PHACTR3: variants seen among roughly 807,000 people sequenced by gnomAD.
The protein encoded by PHACTR3 is protein phosphatase 1, regulatory subunit 123.
PHACTR3 carries 16 observed loss-of-function variants against 66.8 expected under a neutral mutation model. The observed-to-expected ratio is 0.24, with a 90% CI of 0.16 to 0.36. The LOEUF (loss-of-function observed/expected upper bound fraction) is 0.36, where lower values mean the gene tolerates loss of function less well. Among genes scored for constraint, PHACTR3 ranks in the 10% least tolerant of loss-of-function variants. The pLI is 1.00. For missense variants in PHACTR3, 647 were observed against 719.9 expected, an observed-to-expected ratio of 0.90 and a Z score of 1.16; for synonymous variants, 323 against 292.1, an observed-to-expected ratio of 1.11 and a Z score of -1.08.
chr20:59,624,471 G>C (rs1029969928), intron 1 of PHACTR3, among the ~76,000 whole-genome samples: 5 of 152,298 alleles, frequency 3.3e-5, no homozygotes, highest in East Asian at 3.9e-4. Context: ...TTTTTAGCAA[G>C]ATCTCAGGTG....
intron 1 of PHACTR3, among the ~76,000 whole-genome samples, chr20:59,579,909 C>T (rs2146297451): frequency 6.6e-6 from 1 of 152,264 alleles, no homozygotes; most frequent in South Asian, 2.1e-4. Flanking sequence ...AGGAGGGAGA[C>T]TGGCCGGAGG....
chr20:59,743,012 G>C, intron 1 of PHACTR3, 95 bp from the exon 2 acceptor site: 1 of 1,382,862 alleles, frequency 7.2e-7, no homozygotes, highest in South Asian at 1.4e-5. Flanking sequence ...GGGATCACTG[G>C]TGACCCCTTA....
At position 59,838,168 on chromosome 20, in the gene PHACTR3, C is replaced by A. The variant is rs1004651067; in HGVS notation, c.1384+1608C>A. ...TTAGCTCGGAAGCCCTCTCTAGTGT[C>A]CTGAGTGGAAGGACCTGAGAATTTT... is the stretch of plus-strand genomic sequence containing the variant. On this transcript the variant is annotated intron_variant, in intron 9 of 12. Coordinates refer to ENST00000371015, the MANE Select transcript of PHACTR3 (RefSeq NM_080672.5). Among the ~76,000 whole-genome samples, 5 of 152,076 alleles carry A rather than the reference C, an allele frequency of 3.3e-5. No individual in the cohort carries two copies. The East Asian group carries it at 7.7e-4, about 24-fold the overall frequency.
At chr20:59,577,589 TGCC>T (rs1217575236) in exon 1 of PHACTR3, 1 of 1,208,416 alleles carries the variant, frequency 8.3e-7, no homozygotes, top group African/African-American at 1.6e-5. Context: ...CCCGGGACGC[TGCC>T]GCCGCCGCCC....
upstream of PHACTR3, among the ~76,000 whole-genome samples, chr20:59,603,137 C>G (rs997907132): frequency 1.3e-5 from 2 of 152,220 alleles, no homozygotes; most frequent in African/African-American, 4.8e-5. Flanking sequence ...AGTTTCCCAC[C>G]AGTTTCCTCT....
chr20:59,606,886 T>C (rs1420426176), intron 1 of PHACTR3, among the ~76,000 whole-genome samples: 1 of 152,064 alleles, frequency 6.6e-6, no homozygotes, highest in Non-Finnish European at 1.5e-5. Flanking sequence ...AGAGAACAGG[T>C]GTCAGAGGTG....
At chr20:59,686,018 G>A (rs2036848885) in intron 1 of PHACTR3, among the ~76,000 whole-genome samples, 1 of 152,168 alleles carries the variant, frequency 6.6e-6, no homozygotes, top group Admixed American at 6.5e-5. Context: ...TGACATGAGG[G>A]ACTGTTTCAT....
At chr20:59,797,791 G>A (rs146122472) in intron 7 of PHACTR3, among the ~76,000 whole-genome samples, 4 of 152,066 alleles carry the variant, frequency 2.6e-5, no homozygotes, top group East Asian at 1.9e-4. Flanking sequence ...CTTTTTGAGC[G>A]ATAAACTAAT....
At chr20:59,833,670 T>C (rs920893802) in intron 8 of PHACTR3, among the ~76,000 whole-genome samples, 7 of 152,180 alleles carry the variant, frequency 4.6e-5, no homozygotes, top group African/African-American at 1.7e-4. Context: ...CCTATGGGTG[T>C]TCCTGGCTGG....
chr20:59,582,353 C>A (rs1367192755), intron 1 of PHACTR3, among the ~76,000 whole-genome samples: 2 of 152,192 alleles, frequency 1.3e-5, no homozygotes, highest in Non-Finnish European at 2.9e-5. Flanking sequence ...CTACCGATGG[C>A]CATGGAGGTC....
chr20:59,834,533 C>A (rs2042470594), intron 8 of PHACTR3, among the ~76,000 whole-genome samples: 2 of 152,206 alleles, frequency 1.3e-5, no homozygotes, highest in African/African-American at 4.8e-5. Context: ...ACTGCTGTAC[C>A]AAGTGGATTC....
intron 1 of PHACTR3, among the ~76,000 whole-genome samples, chr20:59,693,257 A>G (rs908399206): frequency 3.3e-5 from 5 of 152,166 alleles, no homozygotes; most frequent in African/African-American, 7.2e-5. Flanking sequence ...TGTTGCATCT[A>G]TGTGCTTGAC....
intron 4 of PHACTR3, among the ~76,000 whole-genome samples, chr20:59,766,140 G>A (rs184454582): frequency 7.2e-5 from 11 of 152,332 alleles, no homozygotes; most frequent in Non-Finnish European, 1.3e-4. Flanking sequence ...CTGTAAAGCT[G>A]GAGGTGAAGC....
chr20:59,720,190 T>C (rs935497173), intron 1 of PHACTR3, among the ~76,000 whole-genome samples: 2 of 152,182 alleles, frequency 1.3e-5, no homozygotes, highest in Admixed American at 6.5e-5. Flanking sequence ...CAGGCTAGCA[T>C]ATCTGGTCCG....
At chr20:59,605,865 G>C (rs1450381872) in intron 1 of PHACTR3, among the ~76,000 whole-genome samples, 15 of 140,092 alleles carry the variant, frequency 1.1e-4, no homozygotes, top group African/African-American at 3.6e-4. Context: ...AGGTGGGGGG[G>C]GGGGTGGGCT....
intron 1 of PHACTR3, among the ~76,000 whole-genome samples, chr20:59,671,877 C>T (rs1216980011): frequency 6.6e-6 from 1 of 152,258 alleles, no homozygotes; most frequent in African/African-American, 2.4e-5. Flanking sequence ...GTTCACCTCA[C>T]CTACTTACCT....
At chr20:59,580,647 A>T (rs1341834575) in intron 1 of PHACTR3, among the ~76,000 whole-genome samples, 2 of 151,958 alleles carry the variant, frequency 1.3e-5, no homozygotes, top group African/African-American at 4.8e-5. Flanking sequence ...GCTGATGCTC[A>T]TTAAAAGTTG....
intron 12 of PHACTR3, among the ~76,000 whole-genome samples, chr20:59,846,032 A>C (rs1219315816): frequency 2.6e-5 from 4 of 152,164 alleles, no homozygotes. Flanking sequence ...AATTATGTGA[A>C]GTTCTCAAAC....
In PHACTR3 at chr20:59,604,987, C is replaced by G. The variant is rs1346300950; in HGVS notation, c.-28C>G. On this transcript the variant is annotated 5_prime_UTR_variant, in exon 1 of 13. Transcript: ENST00000371015. Reference sequence around the variant, plus strand: ...ATGCTCTGATTCCACGCGGCTCGCTCTAACTTGCCCCCGCGCCGGCCGGGC... The same window carrying G: ...ATGCTCTGATTCCACGCGGCTCGCTGTAACTTGCCCCCGCGCCGGCCGGGC... 7.8e-7 allele frequency: 1 copy of G among 1,285,076 alleles called. No homozygotes were observed. Among genetic ancestry groups the G allele is most frequent in the Middle Eastern group, 2.1e-4 (1 of 4,660 alleles). 79.6% of individuals were successfully genotyped at this position (1,285,076 alleles called of 1,614,324 possible). A position where few individuals can be genotyped will look rare whatever the true frequency, so the allele number is the denominator to read the frequency against.
Sources: allele counts gnomAD v4.1 joint callset (sites outside exome capture counted in the v4.1 genomes callset), GRCh38; gene constraint gnomAD v4.1.1; transcripts MANE v1.5; gene names NCBI Gene and HGNC (gene_info 2026-07-23, HGNC 2026-07-21).